Variants in TMOD2 observed in about 807,000 individuals in gnomAD.
The protein encoded by TMOD2 is tropomodulin 2, also known as tropomodulin-2.
In TMOD2, 22 loss-of-function variants were observed where a neutral mutation model predicts 39.9. That is an observed-to-expected ratio of 0.55 (90% CI 0.39 to 0.79). The LOEUF (loss-of-function observed/expected upper bound fraction) is 0.79. Among genes scored for constraint, TMOD2 ranks in the 30% least tolerant of loss-of-function variants. The pLI is 0.00. For missense variants in TMOD2, 386 were observed against 413.3 expected, an observed-to-expected ratio of 0.93 and a Z score of 0.57; for synonymous variants, 123 against 146.1, an observed-to-expected ratio of 0.84 and a Z score of 1.14.
chr15:51,791,590 A>G (rs1160898598), intron 7 of TMOD2, among the ~76,000 whole-genome samples: 1 of 152,220 alleles, frequency 6.6e-6, no homozygotes, highest in African/African-American at 2.4e-5. Flanking sequence ...GCATCACGCT[A>G]CCTGACTTCA....
chr15:51,764,463 G>A (rs938083138), intron 1 of TMOD2, among the ~76,000 whole-genome samples: 1 of 152,136 alleles, frequency 6.6e-6, no homozygotes, highest in Non-Finnish European at 1.5e-5. Context: ...GCCCTTAAGA[G>A]GCCCACCTGC....
Position 51,806,419 on chromosome 15 carries a change from A to G in TMOD2, c.919A>G (p.Met307Val), listed in dbSNP as rs2056121786. The change falls in exon 9 of 10, where the codon ATG (methionine) becomes GTG (valine). Residue 307 changes from methionine to valine, a missense_variant. Met to Val is a conservative substitution (Grantham distance 21). Coordinates refer to ENST00000249700, the MANE Select transcript of TMOD2 (RefSeq NM_014548.4). ...AGCTGTAGAGATGGAAATTGCCCAG[A>G]TGCTGGAGGAGAATTCAAGGATCCT... ...GTAVEMEIAQ[M>V]LEENSRILKF... is the part of the protein sequence containing the mutation. 1 of 1,614,132 alleles carries G rather than the reference A, an allele frequency of 6.2e-7. No homozygotes were observed. The highest frequency in any genetic ancestry group is 1.3e-5 in the African/African-American group (1 of 74,944).
chr15:51,799,227 T>C (rs2056072632), intron 8 of TMOD2, among the ~76,000 whole-genome samples: 1 of 152,172 alleles, frequency 6.6e-6, no homozygotes, highest in South Asian at 2.1e-4. Flanking sequence ...CCAAGGAGAC[T>C]TGTGGTATGA....
chr15:51,775,569 C>CTTTTTTT (rs1567238913), intron 4 of TMOD2, among the ~76,000 whole-genome samples: 1 of 130,108 alleles, frequency 7.7e-6, no homozygotes, highest in African/African-American at 3.0e-5. Flanking sequence ...AATTCTTTTT[C>CTTTTTTT]CTTTTTTTTT....
chr15:51,766,634 T>C (rs970758546), intron 2 of TMOD2, 67 bp downstream of exon 2: 1 of 1,509,120 alleles, frequency 6.6e-7, no homozygotes, highest in Non-Finnish European at 9.0e-7. Flanking sequence ...GCTTGGTCCT[T>C]AAACAATGGT....
chr15:51,768,076 C>T (rs915970869), intron 2 of TMOD2, among the ~76,000 whole-genome samples, 186 bp from the exon 3 acceptor site: 1 of 152,212 alleles, frequency 6.6e-6, no homozygotes, highest in Non-Finnish European at 1.5e-5. Flanking sequence ...CCCCTCTCAG[C>T]ACTGAACATT....
chr15:51,816,165 T>A lies in TMOD2; in HGVS notation c.*7711T>A, dbSNP rs1361250531. ...CCTGGATAATTATTCAGGACCCCAG[T>A]TGGCCCAAATAGGTGCAATTTTTAA... On this transcript the variant is annotated 3_prime_UTR_variant, in exon 10 of 10. Coordinates refer to ENST00000249700, the MANE Select transcript of TMOD2 (RefSeq NM_014548.4). 1.3e-5 allele frequency: 2 copies of A among 152,226 alleles called. No homozygotes were observed. Among genetic ancestry groups the A allele is most frequent in the Non-Finnish European group, 2.9e-5 (2 of 68,026 alleles). The allele number at this position is 152,226 out of a possible 1,614,324, so 9.4% of individuals were successfully genotyped here.
chr15:51,790,408 G>T (rs117945517), intron 7 of TMOD2, among the ~76,000 whole-genome samples: 4,620 of 152,192 alleles, frequency 0.03, 116 homozygotes, highest in Non-Finnish European at 0.05. Flanking sequence ...CCGATTTACA[G>T]CCGAATTCTA....
At chr15:51,788,633 G>C (rs2055987625) in intron 7 of TMOD2, among the ~76,000 whole-genome samples, 1 of 152,208 alleles carries the variant, frequency 6.6e-6, no homozygotes, top group African/African-American at 2.4e-5. Context: ...GAAAGGTTGG[G>C]TTAAGCACAA....
At chr15:51,781,286 G>A (rs1036331826) in intron 6 of TMOD2, 112 bp downstream of exon 6, 8 of 956,360 alleles carry the variant, frequency 8.4e-6, no homozygotes, top group Non-Finnish European at 1.1e-5. Flanking sequence ...TGTAGTCACT[G>A]AGTTGGAGTC....
chr15:51,762,122 C>T lies in TMOD2; in HGVS notation c.-69-4251C>T, dbSNP rs1309615864. On this transcript the variant is annotated intron_variant, in intron 1 of 9. Transcript: ENST00000249700. ...CGAGATTGCGCCACTGCACTCCAGC[C>T]TGGGTGTGAGTGTGAGACTCTGCCT... 6.2e-5 allele frequency among the ~76,000 whole-genome samples: 9 copies of T among 145,406 alleles called. No individual in the cohort carries two copies. The East Asian group carries it at 1.8e-3, about 30-fold the overall frequency.
intron 1 of TMOD2, among the ~76,000 whole-genome samples, chr15:51,754,014 C>T (rs2055725379): frequency 6.6e-6 from 1 of 152,010 alleles, no homozygotes; most frequent in Non-Finnish European, 1.5e-5. Flanking sequence ...CTTGGCTTCA[C>T]CTTCCCAAAA....
intron 7 of TMOD2, among the ~76,000 whole-genome samples, chr15:51,789,828 C>T (rs549284042): frequency 7.2e-5 from 11 of 152,306 alleles, no homozygotes; most frequent in Admixed American, 3.3e-4. Context: ...AAAGACACAG[C>T]GTACCAGAAT....
chr15:51,809,371 CTT>C lies in TMOD2; in HGVS notation c.*919_*920del, dbSNP rs912780480. 1 of 152,604 alleles carries C rather than the reference CTT, an allele frequency of 6.6e-6. No homozygotes were observed. Among genetic ancestry groups the C allele is most frequent in the African/African-American group, 2.4e-5 (1 of 41,446 alleles). The allele number at this position is 152,604 out of a possible 1,614,324, so 9.5% of individuals were successfully genotyped here. The stretch of plus-strand genomic sequence containing the variant: ...TGGCAAATTTTAGAAGCATTTATTG[CTT>C]TGTCTTTAGTGTAACAAGATCACTG... On this transcript the variant is annotated 3_prime_UTR_variant, in exon 10 of 10. Transcript: ENST00000249700.
intron 7 of TMOD2, chr15:51,784,445 T>C (rs899221361): frequency 2.0e-5 from 3 of 152,202 alleles, no homozygotes; most frequent in Admixed American, 2.0e-4. Context: ...TGGCACAGAA[T>C]AGATGTTTGA....
chr15:51,783,636 C>T (rs997997249), intron 7 of TMOD2: 5 of 152,006 alleles, frequency 3.3e-5, no homozygotes, highest in African/African-American at 9.7e-5. Flanking sequence ...CACCTCTGGT[C>T]CCAGCGACTT....
At chr15:51,792,976 G>T (rs560399825) in intron 7 of TMOD2, among the ~76,000 whole-genome samples, 5 of 151,838 alleles carry the variant, frequency 3.3e-5, no homozygotes, top group Admixed American at 1.3e-4. Flanking sequence ...ACACAACTGC[G>T]CATTCTGCAC....
chr15:51,788,423 A>G (rs1163997690), intron 7 of TMOD2, among the ~76,000 whole-genome samples: 1 of 152,250 alleles, frequency 6.6e-6, no homozygotes, highest in Non-Finnish European at 1.5e-5. Flanking sequence ...TGACAGGAAG[A>G]ATGGAACCAA....
intron 8 of TMOD2, 66 bp downstream of exon 8, chr15:51,798,406 C>T: frequency 6.4e-7 from 1 of 1,557,592 alleles, no homozygotes; most frequent in Non-Finnish European, 8.7e-7. Flanking sequence ...GGAAATGCCA[C>T]AAGGAATGAG....
Sources: allele counts gnomAD v4.1 joint callset (sites outside exome capture counted in the v4.1 genomes callset), GRCh38; gene constraint gnomAD v4.1.1; transcripts MANE v1.5; gene names NCBI Gene and HGNC (gene_info 2026-07-23, HGNC 2026-07-21).